Variants in SIL1 observed in about 807,000 individuals in gnomAD.
SIL1 encodes the protein SIL1 nucleotide exchange factor.
SIL1 carries 40 observed loss-of-function variants against 49.1 expected under a neutral mutation model. The ratio of observed to expected loss-of-function variants is 0.81; its 90% CI spans 0.63 to 1.06. The LOEUF (loss-of-function observed/expected upper bound fraction) is 1.06. Among genes scored for constraint, SIL1 ranks in the 50% least tolerant of loss-of-function variants. The probability of loss-of-function intolerance (pLI) is 0.00; values close to 1 mark genes in which losing one functional copy is unlikely to be tolerated. For missense variants in SIL1, 500 were observed against 572.6 expected (o/e 0.87, Z 1.29); for synonymous variants, 253 against 250.8 (o/e 1.01, Z -0.08).
intron 3 of SIL1, among the ~76,000 whole-genome samples, chr5:139,060,297 T>G (rs534385277): frequency 3.0e-4 from 33 of 110,170 alleles, no homozygotes; most frequent in South Asian, 1.1e-3. Context: ...TACTGTTTTT[T>G]TAAGCCACCA....
At chr5:139,112,113 C>A (rs1037640603) in intron 3 of SIL1, among the ~76,000 whole-genome samples, 3 of 152,264 alleles carry the variant, frequency 2.0e-5, no homozygotes, top group Non-Finnish European at 4.4e-5. Context: ...TCCCGAGGTG[C>A]CGGGATTGCA....
At chr5:138,971,340 C>T (rs149112197) in intron 7 of SIL1, among the ~76,000 whole-genome samples, 27 of 152,176 alleles carry the variant, frequency 1.8e-4, no homozygotes, top group African/African-American at 5.8e-4. Context: ...TGTGACCTAC[C>T]GGCTTGAAAT....
chr5:139,069,581 G>A (rs1055882406), intron 3 of SIL1, among the ~76,000 whole-genome samples: 53 of 151,830 alleles, frequency 3.5e-4, no homozygotes, highest in African/African-American at 1.2e-3. Flanking sequence ...ACATAAAAAC[G>A]AGCAACAAAA....
Position 139,000,115 on chromosome 5 carries a change from C to G in SIL1, c.767+21056G>C, listed in dbSNP as rs139279050. ...TAGCTATGGGTCTGTCATATATGGC[C>G]TTTATTATTATGAGGTATGTTCCTT... On this transcript the variant is annotated intron_variant, in intron 7 of 9. Coordinates refer to ENST00000394817, the MANE Select transcript of SIL1 (RefSeq NM_022464.5). Among the ~76,000 whole-genome samples the G allele has an allele frequency of 1.8e-4, 28 of 152,148 alleles. No homozygotes were observed. The East Asian group carries it at 5.4e-3, about 29-fold the overall frequency.
At chr5:139,143,775 T>C (rs1317528316) in intron 1 of SIL1, among the ~76,000 whole-genome samples, 2 of 152,160 alleles carry the variant, frequency 1.3e-5, no homozygotes, top group Non-Finnish European at 2.9e-5. Flanking sequence ...AAAAATCAGT[T>C]GTATTTCTAT....
At chr5:138,955,566 G>A (rs1463624972) in intron 7 of SIL1, among the ~76,000 whole-genome samples, 1 of 152,230 alleles carries the variant, frequency 6.6e-6, no homozygotes, top group African/African-American at 2.4e-5. Flanking sequence ...TGGGTGGAAG[G>A]GGACTGAAGG....
chr5:139,164,248 GTCTC>G (rs1003713179), intron 1 of SIL1, among the ~76,000 whole-genome samples: 3 of 152,044 alleles, frequency 2.0e-5, no homozygotes, highest in Non-Finnish European at 4.4e-5. Context: ...GGGACTCCAA[GTCTC>G]TCTGACTCAA....
At chr5:139,102,795 A>G (rs1581101621) in intron 3 of SIL1, among the ~76,000 whole-genome samples, 1 of 148,666 alleles carries the variant, frequency 6.7e-6, no homozygotes, top group Non-Finnish European at 1.5e-5. Context: ...GCTCACCGCA[A>G]CCTCCGCCTC....
rs183220847 is a variant in SIL1 at position 139,080,654 on chromosome 5, T to C, written c.245-29608A>G. 3.3e-5 allele frequency among the ~76,000 whole-genome samples: 5 copies of C among 152,336 alleles called. No individual in the cohort carries two copies. In the East Asian group the frequency reaches 9.6e-4, roughly 29 times the overall value. Reference sequence around the variant, plus strand: ...TCCTGTCTTTTCTGAAACAAGCTTGTCATTGTCCAGTACATGGTTAATCTC... The same window carrying C: ...TCCTGTCTTTTCTGAAACAAGCTTGCCATTGTCCAGTACATGGTTAATCTC... On this transcript the variant is annotated intron_variant, in intron 3 of 9. Coordinates refer to ENST00000394817, the MANE Select transcript of SIL1 (RefSeq NM_022464.5).
chr5:138,978,117 T>C (rs540690392), intron 7 of SIL1, among the ~76,000 whole-genome samples: 11 of 152,334 alleles, frequency 7.2e-5, no homozygotes, highest in South Asian at 4.1e-4. Context: ...AGTGTACAAC[T>C]CAATAGCTTT....
At chr5:138,995,972 A>G (rs1382551027) in intron 7 of SIL1, among the ~76,000 whole-genome samples, 1 of 152,176 alleles carries the variant, frequency 6.6e-6, no homozygotes, top group African/African-American at 2.4e-5. Flanking sequence ...CATATTTCAG[A>G]TATTGTGAAT....
intron 3 of SIL1, among the ~76,000 whole-genome samples, chr5:139,056,477 G>A (rs1232714628): frequency 6.0e-5 from 9 of 150,060 alleles, no homozygotes; most frequent in African/African-American, 2.2e-4. Context: ...CCGCCCGGCA[G>A]CCACCCCGTC....
chr5:139,059,567 T>C lies in SIL1; in HGVS notation c.245-8521A>G, dbSNP rs1449212473. Among the ~76,000 whole-genome samples the C allele has an allele frequency of 3.3e-5, 5 of 152,332 alleles. No homozygotes were observed. In the East Asian group the frequency reaches 9.6e-4, roughly 29 times the overall value. On this transcript the variant is annotated intron_variant, in intron 3 of 9. Coordinates refer to ENST00000394817, the MANE Select transcript of SIL1 (RefSeq NM_022464.5). The stretch of plus-strand genomic sequence containing the variant: ...TTCAGGCCCTCCATGTAATCATCAA[T>C]CATTAATGTTTAAGGGACACTGAGT...
At chr5:139,081,512 A>G (rs1232225949) in intron 3 of SIL1, among the ~76,000 whole-genome samples, 3 of 152,198 alleles carry the variant, frequency 2.0e-5, no homozygotes, top group Admixed American at 1.3e-4. Context: ...TTGGCCCTCT[A>G]CAGTGTACCA....
At chr5:138,993,586 G>A (rs1284307506) in intron 7 of SIL1, among the ~76,000 whole-genome samples, 1 of 152,144 alleles carries the variant, frequency 6.6e-6, no homozygotes, top group Non-Finnish European at 1.5e-5. Context: ...TACGTAAGAC[G>A]GTAACATCTG....
chr5:139,175,098 G>A (rs1187643528), intron 1 of SIL1, among the ~76,000 whole-genome samples: 2 of 152,106 alleles, frequency 1.3e-5, no homozygotes, highest in African/African-American at 4.8e-5. Context: ...AAGGCAGGTG[G>A]ATCACCTGAG....
intron 1 of SIL1, among the ~76,000 whole-genome samples, chr5:139,138,667 A>G (rs1015090752): frequency 2.6e-5 from 4 of 152,242 alleles, no homozygotes; most frequent in Non-Finnish European, 5.9e-5. Context: ...GTAACTATTT[A>G]GTATGACTGT....
chr5:139,123,873 G>A (rs1750705265), intron 2 of SIL1, among the ~76,000 whole-genome samples: 1 of 152,134 alleles, frequency 6.6e-6, no homozygotes, highest in East Asian at 1.9e-4. Context: ...CACTAAGAAG[G>A]CCAAACTAAA....
rs777283229 is a variant in SIL1 at position 139,121,171 on chromosome 5, C to T, written c.108G>A (p.Lys36=). The T allele has an allele frequency of 6.2e-7, 1 of 1,614,044 alleles. No individual in the cohort carries two copies. The highest frequency in any genetic ancestry group is 8.5e-7 in the Non-Finnish European group (1 of 1,179,948). ...TCTCTGGGTTGGTCAGGGCAAACTC[C>T]TTCTGAGAAAAGAAAACACAGGGCA... ...FTFCLSHQNL[K]EFALTNPEKS... Residue 36 remains lysine, a splice_region_variant and synonymous_variant, in exon 3 of 10, where the codon AAG becomes AAA. Coordinates refer to ENST00000394817, the MANE Select transcript of SIL1 (RefSeq NM_022464.5).
Sources: allele counts gnomAD v4.1 joint callset (sites outside exome capture counted in the v4.1 genomes callset), GRCh38; gene constraint gnomAD v4.1.1; transcripts MANE v1.5; gene names NCBI Gene and HGNC (gene_info 2026-07-23, HGNC 2026-07-21).